Variants in ABCA13 observed in about 807,000 individuals in gnomAD.
The protein encoded by ABCA13 is ATP binding cassette subfamily A member 13.
In ABCA13, 476 loss-of-function variants were observed where a neutral mutation model predicts 478.7. That is an observed-to-expected ratio of 0.99 (90% CI 0.92 to 1.07). The LOEUF (loss-of-function observed/expected upper bound fraction) is 1.07. ABCA13 is among the 50% of genes least tolerant of loss of function. The pLI, the probability that ABCA13 is intolerant of heterozygous loss-of-function variation, is 0.00. For missense variants in ABCA13, 6,060 were observed against 5,910.6 expected (o/e 1.03, Z -0.83); for synonymous variants, 2,252 against 2,158.9 (o/e 1.04, Z -1.20).
chr7:48,418,597 A>G (rs1352113111), intron 41 of ABCA13, among the ~76,000 whole-genome samples: 1 of 152,112 alleles, frequency 6.6e-6, no homozygotes, highest in African/African-American at 2.4e-5. Flanking sequence ...TCTCATCCCT[A>G]CGGTAGGTTT....
intron 42 of ABCA13, among the ~76,000 whole-genome samples, chr7:48,441,741 C>A (rs1823620398): frequency 6.6e-6 from 1 of 152,114 alleles, no homozygotes; most frequent in South Asian, 2.1e-4. Context: ...TCATTACAAC[C>A]AGTTTGCAAA....
At chr7:48,547,189 A>G (rs1018758393) in intron 55 of ABCA13, among the ~76,000 whole-genome samples, 2 of 151,774 alleles carry the variant, frequency 1.3e-5, no homozygotes, top group Non-Finnish European at 2.9e-5. Flanking sequence ...CATTTCATTC[A>G]GTTTTTAAAT....
chr7:48,317,284 G>A lies in ABCA13; in HGVS notation c.9987G>A (p.Lys3329=). The change falls in exon 27 of 62, where the codon AAG becomes AAA. Residue 3329 remains lysine, a synonymous_variant. Transcript: ENST00000435803. The part of the protein sequence containing the change: ...LYTPNTPEIN[K]VIQKANYTFY... ...CACCAAACACTCCAGAAATTAACAA[G>A]GTCATTCAAAAGGTAAGTTAAAATA... 6.2e-7 allele frequency: 1 copy of A among 1,612,762 alleles called. No individual in the cohort carries two copies. The highest frequency in any genetic ancestry group is 1.1e-5 in the South Asian group (1 of 90,836).
chr7:48,387,090 CTT>C (rs1234926238), intron 35 of ABCA13, among the ~76,000 whole-genome samples: 17 of 152,128 alleles, frequency 1.1e-4, no homozygotes, highest in South Asian at 8.3e-4. Flanking sequence ...GCATATCTCT[CTT>C]CTGCTTGATG....
rs1017429423 is a variant in ABCA13 at position 48,536,565 on chromosome 7, G to A, written c.14354+8220G>A. Among the ~76,000 whole-genome samples the A allele has an allele frequency of 6.6e-5, 10 of 151,752 alleles. No homozygotes were observed. The South Asian group carries it at 1.2e-3, about 19-fold the overall frequency. ...CAGGAGGCTGAAGTGGGAGAATCACGTCAACTCTGGAGGCGGAGGTTGCAG... is the reference window on the plus strand; with the variant it reads ...CAGGAGGCTGAAGTGGGAGAATCACATCAACTCTGGAGGCGGAGGTTGCAG... On this transcript the variant is annotated intron_variant, in intron 55 of 61. Coordinates refer to ENST00000435803, the MANE Select transcript of ABCA13 (RefSeq NM_152701.5).
chr7:48,643,439 A>T (rs1349263229), intron 60 of ABCA13, 46 bp downstream of exon 60: 3 of 1,447,148 alleles, frequency 2.1e-6, no homozygotes, highest in South Asian at 2.4e-5. Context: ...AGCTAAAAAA[A>T]AATAATAAAT....
intron 48 of ABCA13, among the ~76,000 whole-genome samples, chr7:48,490,410 C>A (rs1456683715): frequency 6.6e-6 from 1 of 152,146 alleles, no homozygotes; most frequent in African/African-American, 2.4e-5. Flanking sequence ...CAGAAAACAT[C>A]GCCTATCAGC....
Position 48,556,303 on chromosome 7 carries a change from G to A in ABCA13, c.14355-23921G>A, listed in dbSNP as rs550999744. Among the ~76,000 whole-genome samples the A allele has an allele frequency of 1.3e-4, 20 of 151,970 alleles. No individual in the cohort carries two copies. In the South Asian group the frequency reaches 4.2e-3, roughly 32 times the overall value. ...AAGCTGTGGAGGGAAAGGTTCTGCA[G>A]TATCTGTTAGATCCATTTGTTCTAT... On this transcript the variant is annotated intron_variant, in intron 55 of 61. Coordinates refer to ENST00000435803, the MANE Select transcript of ABCA13 (RefSeq NM_152701.5).
At chr7:48,545,281 T>C (rs1324355221) in intron 55 of ABCA13, among the ~76,000 whole-genome samples, 1 of 151,714 alleles carries the variant, frequency 6.6e-6, no homozygotes, top group African/African-American at 2.4e-5. Context: ...GACCTTCTAC[T>C]GGCATAGAAA....
chr7:48,504,762 A>G (rs533535813), intron 48 of ABCA13, among the ~76,000 whole-genome samples: 1 of 152,306 alleles, frequency 6.6e-6, no homozygotes, highest in Non-Finnish European at 1.5e-5. Flanking sequence ...CTGATACTTT[A>G]TAAACACTGT....
At chr7:48,483,201 G>C in intron 47 of ABCA13, 38 bp downstream of exon 47, 1 of 1,535,546 alleles carries the variant, frequency 6.5e-7, no homozygotes, top group Non-Finnish European at 8.9e-7. Context: ...GTTTTAGAAA[G>C]TATTTAGGAA....
intron 42 of ABCA13, among the ~76,000 whole-genome samples, chr7:48,445,580 C>T (rs185358332): frequency 6.6e-6 from 1 of 152,288 alleles, no homozygotes; most frequent in East Asian, 1.9e-4. Flanking sequence ...AATCTTTGTT[C>T]ATTCTTCAGT....
intron 57 of ABCA13, among the ~76,000 whole-genome samples, chr7:48,591,484 T>G (rs1563478084): frequency 6.6e-6 from 1 of 151,988 alleles, no homozygotes; most frequent in Non-Finnish European, 1.5e-5. Context: ...AATATAAATT[T>G]CAGTATTTTG....
chr7:48,596,037 T>C (rs1049024136), intron 58 of ABCA13, among the ~76,000 whole-genome samples: 1 of 152,222 alleles, frequency 6.6e-6, no homozygotes, highest in Non-Finnish European at 1.5e-5. Context: ...CTTTACTGAT[T>C]ACTGCAGCAT....
At chr7:48,442,623 T>A (rs1478169718) in intron 42 of ABCA13, among the ~76,000 whole-genome samples, 1 of 152,216 alleles carries the variant, frequency 6.6e-6, no homozygotes, top group Non-Finnish European at 1.5e-5. Flanking sequence ...AATTAACTAG[T>A]CAGCTTCCTG....
chr7:48,572,939 C>G (rs1012759532), intron 55 of ABCA13, among the ~76,000 whole-genome samples: 8 of 151,930 alleles, frequency 5.3e-5, no homozygotes, highest in African/African-American at 1.9e-4. Flanking sequence ...CTATTTCTTC[C>G]TTTTCTTGGT....
rs375079513 is a variant in ABCA13, at chr7:48,546,551, C to T, written c.14354+18206C>T. On this transcript the variant is annotated intron_variant, in intron 55 of 61. Transcript: ENST00000435803. ...GATTATCAGACAATTAAATAATAAA[C>T]GGGATATAAACTCTTAAGACAAAAG... Among the ~76,000 whole-genome samples, 7 of 149,140 alleles carry T rather than the reference C, an allele frequency of 4.7e-5. 1 individual carries two copies. The highest frequency in any genetic ancestry group is 7.4e-5 in the Non-Finnish European group (5 of 67,316).
chr7:48,286,597 T>C (rs1797789224), intron 19 of ABCA13, among the ~76,000 whole-genome samples: 1 of 151,996 alleles, frequency 6.6e-6, no homozygotes, highest in Non-Finnish European at 1.5e-5. Context: ...CTCTACCTCC[T>C]GGGTTCAAGC....
chr7:48,525,688 T>G (rs990141295), intron 54 of ABCA13, among the ~76,000 whole-genome samples: 13 of 150,642 alleles, frequency 8.6e-5, no homozygotes, highest in African/African-American at 2.9e-4. Flanking sequence ...TTTTTTTTTT[T>G]TTTTTGAGTT....
Sources: gnomAD v4.1 joint callset for allele counts (sites outside exome capture counted in the v4.1 genomes callset) on GRCh38, gnomAD v4.1.1 for gene constraint, MANE v1.5 for transcripts, NCBI Gene and HGNC (gene_info 2026-07-23, HGNC 2026-07-21) for gene names.